SLC8A3: variants seen among roughly 807,000 people sequenced by gnomAD.
SLC8A3 encodes the protein solute carrier family 8 member A3.
In SLC8A3, 37 loss-of-function variants were observed where a neutral mutation model predicts 65.4. The ratio of observed to expected loss-of-function variants is 0.57; its 90% CI spans 0.44 to 0.74. SLC8A3 has a LOEUF of 0.74. SLC8A3 is among the 30% of genes least tolerant of loss of function. The pLI is 0.00. For missense variants in SLC8A3, 1,112 were observed against 1,172.1 expected, an observed-to-expected ratio of 0.95 and a Z score of 0.75; for synonymous variants, 461 against 444.5, an observed-to-expected ratio of 1.04 and a Z score of -0.47.
chr14:70,169,393 G>A (rs1724015288), intron 1 of SLC8A3, among the ~76,000 whole-genome samples: 1 of 152,154 alleles, frequency 6.6e-6, no homozygotes, highest in Admixed American at 6.5e-5. Context: ...ACAGGAAGAT[G>A]ATCATCCGCC....
intron 2 of SLC8A3, among the ~76,000 whole-genome samples, chr14:70,105,473 T>C (rs1481340410): frequency 2.0e-5 from 3 of 152,266 alleles, no homozygotes; most frequent in East Asian, 3.8e-4. Context: ...AAAGACTTTG[T>C]TGTAGTAAGT....
At chr14:70,144,423 A>G (rs1895788246) in intron 2 of SLC8A3, among the ~76,000 whole-genome samples, 1 of 143,530 alleles carries the variant, frequency 7.0e-6, no homozygotes, top group Non-Finnish European at 1.5e-5. Context: ...TGAGGTCAGG[A>G]GTTTGAGACC....
intron 2 of SLC8A3, among the ~76,000 whole-genome samples, chr14:70,139,976 T>C (rs1159207172): frequency 6.6e-6 from 1 of 152,030 alleles, no homozygotes; most frequent in African/African-American, 2.4e-5. Context: ...AACATCAGAG[T>C]AGGGAGTTTC....
rs764012278 is a variant in SLC8A3, at chr14:70,045,953, C to T, written c.2760G>A (p.Gly920=). ...GGAGGCTCTGTTGTGTGGCTTAGAA[C>T]CCCTTGATGTAGCAATAGGCCTCTA... ...ATLEAYCYIK[G]F The change falls in exon 7 of 7, where the codon GGG becomes GGA. Residue 920 remains glycine (G), a synonymous_variant. Transcript: ENST00000356921. 2 of 1,590,580 alleles carry T rather than the reference C, an allele frequency of 1.3e-6. No individual in the cohort carries two copies. The highest frequency in any genetic ancestry group is 2.7e-5 in the African/African-American group (2 of 74,396).
At chr14:70,058,567 A>G (rs770397624) in intron 3 of SLC8A3, among the ~76,000 whole-genome samples, 87 of 152,196 alleles carry the variant, frequency 5.7e-4, no homozygotes, top group Non-Finnish European at 9.4e-4. Context: ...CCACGAGGGC[A>G]TTGCTGACAT....
intron 2 of SLC8A3, among the ~76,000 whole-genome samples, chr14:70,107,814 A>G (rs11845633): frequency 0.42 from 64,038 of 151,850 alleles, 14,684 homozygotes; most frequent in African/African-American, 0.55. Flanking sequence ...GAGAGAGTGA[A>G]GCACCACAGC....
intron 1 of SLC8A3, among the ~76,000 whole-genome samples, chr14:70,187,626 T>TGC (rs1883406396): frequency 7.6e-6 from 1 of 131,984 alleles, no homozygotes; most frequent in Non-Finnish European, 1.8e-5. Context: ...TGTGTGTGTG[T>TGC]GTGTGTGTGT....
intron 2 of SLC8A3, among the ~76,000 whole-genome samples, chr14:70,163,004 G>C (rs1269431834): frequency 1.3e-5 from 2 of 152,098 alleles, no homozygotes; most frequent in Non-Finnish European, 2.9e-5. Context: ...TCCTTGATTT[G>C]TCTGTACCCT....
chr14:70,058,849 G>A (rs1566741808), intron 3 of SLC8A3, among the ~76,000 whole-genome samples: 1 of 152,170 alleles, frequency 6.6e-6, no homozygotes, highest in Admixed American at 6.5e-5. Context: ...CATCTAAGTA[G>A]CTTGGACTGT....
intron 2 of SLC8A3, among the ~76,000 whole-genome samples, chr14:70,154,025 C>G (rs1896430115): frequency 6.6e-6 from 1 of 152,210 alleles, no homozygotes. Context: ...AGCCAGCAGT[C>G]AAGGATGGTG....
chr14:70,089,160 T>C (rs1257825045), intron 2 of SLC8A3, among the ~76,000 whole-genome samples: 1 of 152,186 alleles, frequency 6.6e-6, no homozygotes, highest in South Asian at 2.1e-4. Context: ...TTCTAGAATG[T>C]TGTTACTTGT....
At chr14:70,148,687 G>A (rs1002170181) in intron 2 of SLC8A3, among the ~76,000 whole-genome samples, 3 of 152,092 alleles carry the variant, frequency 2.0e-5, no homozygotes, top group African/African-American at 4.8e-5. Context: ...TAAAATTGCC[G>A]ATATTATTAT....
At chr14:70,149,223 C>T (rs937335896) in intron 2 of SLC8A3, among the ~76,000 whole-genome samples, 2 of 152,204 alleles carry the variant, frequency 1.3e-5, no homozygotes, top group South Asian at 2.1e-4. Flanking sequence ...AAGGGTGACT[C>T]ATCTCCAAAT....
intron 3 of SLC8A3, among the ~76,000 whole-genome samples, chr14:70,053,662 C>T (rs1434745238): frequency 6.6e-6 from 1 of 152,214 alleles, no homozygotes; most frequent in African/African-American, 2.4e-5. Context: ...GCACTATATC[C>T]ATCTGGCAGG....
intron 2 of SLC8A3, among the ~76,000 whole-genome samples, chr14:70,072,573 T>C (rs933076193): frequency 1.4e-5 from 2 of 146,952 alleles, no homozygotes; most frequent in African/African-American, 5.1e-5. Context: ...AATTGGAAAC[T>C]CTCTGTAATG....
intron 2 of SLC8A3, among the ~76,000 whole-genome samples, chr14:70,117,639 A>T (rs986263323): frequency 1.3e-5 from 2 of 152,098 alleles, no homozygotes; most frequent in Non-Finnish European, 2.9e-5. Flanking sequence ...CATCTGGGGC[A>T]TTGCTGTCTC....
At chr14:70,049,066 G>A (rs770237570) in intron 5 of SLC8A3, 24 bp from the exon 6 acceptor site, 2 of 1,584,666 alleles carry the variant, frequency 1.3e-6, no homozygotes, top group Non-Finnish European at 1.7e-6. Flanking sequence ...AAACAGGCAA[G>A]AGAACGGGTA....
intron 2 of SLC8A3, among the ~76,000 whole-genome samples, chr14:70,089,134 G>T (rs1208213503): frequency 1.3e-5 from 2 of 152,134 alleles, no homozygotes; most frequent in Non-Finnish European, 2.9e-5. Context: ...TTCTTAGCAT[G>T]CTGAAAGAGG....
chr14:70,090,754 A>G (rs1220819344), intron 2 of SLC8A3, among the ~76,000 whole-genome samples: 2 of 152,182 alleles, frequency 1.3e-5, no homozygotes, highest in Non-Finnish European at 2.9e-5. Context: ...GAAATGTGAA[A>G]CCGCATCCCA....
Sources: allele counts gnomAD v4.1 joint callset (sites outside exome capture counted in the v4.1 genomes callset), GRCh38; gene constraint gnomAD v4.1.1; transcripts MANE v1.5; gene names NCBI Gene and HGNC (gene_info 2026-07-23, HGNC 2026-07-21).